Variants in NAALAD2 observed in about 807,000 individuals in gnomAD.
The protein encoded by NAALAD2 is N-acetylated alpha-linked acidic dipeptidase 2, also known as N-acetylated-alpha-linked acidic dipeptidase 2.
A neutral mutation model predicts 95.6 loss-of-function variants in NAALAD2; 89 were observed. The ratio of observed to expected loss-of-function variants is 0.93; its 90% CI spans 0.78 to 1.11. The LOEUF (loss-of-function observed/expected upper bound fraction) is 1.11. Among genes scored for constraint, NAALAD2 ranks in the 50% least tolerant of loss-of-function variants. The probability of loss-of-function intolerance (pLI) is 0.00; values close to 1 mark genes in which losing one functional copy is unlikely to be tolerated. For missense variants in NAALAD2, 894 were observed against 872.4 expected (o/e 1.02, Z -0.31); for synonymous variants, 264 against 294.4 (o/e 0.90, Z 1.06).
intron 6 of NAALAD2, among the ~76,000 whole-genome samples, chr11:90,155,128 A>T (rs1654186739): frequency 7.7e-6 from 1 of 129,438 alleles, no homozygotes. Flanking sequence ...TGTATATATA[A>T]TATACGTATA....
chr11:90,167,188 G>A (rs1209287716), intron 11 of NAALAD2, among the ~76,000 whole-genome samples: 1 of 152,212 alleles, frequency 6.6e-6, no homozygotes, highest in Non-Finnish European at 1.5e-5. Context: ...GGGAGCTGTG[G>A]AGGGAAGGAG....
chr11:90,166,944 G>C (rs1439974586), intron 11 of NAALAD2, among the ~76,000 whole-genome samples: 1 of 152,174 alleles, frequency 6.6e-6, no homozygotes, highest in African/African-American at 2.4e-5. Context: ...GAGGTCAGGA[G>C]TTCGAGAACA....
At chr11:90,169,924 C>T (rs935272520) in intron 12 of NAALAD2, 145 bp from the exon 13 acceptor site, 3 of 615,854 alleles carry the variant, frequency 4.9e-6, no homozygotes, top group African/African-American at 1.9e-5. Flanking sequence ...GAACTATTTC[C>T]ACCCTGTTTT....
chr11:90,173,388 C>T (rs1427793776), intron 13 of NAALAD2, among the ~76,000 whole-genome samples: 1 of 152,160 alleles, frequency 6.6e-6, no homozygotes, highest in Non-Finnish European at 1.5e-5. Context: ...TATGTCACCT[C>T]TATTGTTCTG....
chr11:90,146,149 GA>G (rs1176674637), intron 2 of NAALAD2, among the ~76,000 whole-genome samples: 1 of 151,932 alleles, frequency 6.6e-6, no homozygotes, highest in African/African-American at 2.4e-5. Flanking sequence ...GGGGATGACA[GA>G]AGAAGGATTG....
rs1358346276 is a variant in NAALAD2 at position 90,151,745 on chromosome 11, A to T, written c.610-553A>T. Among the ~76,000 whole-genome samples the T allele has an allele frequency of 2.0e-5, 3 of 152,066 alleles. No individual in the cohort carries two copies. In the East Asian group the frequency reaches 5.8e-4, roughly 29 times the overall value. ...AGTATCTCACAGGGTACATTTTCCT[A>T]TTTTTGGCCAGTTTGGATTGTTAGA... On this transcript the variant is annotated intron_variant, in intron 5 of 18. Transcript: ENST00000534061.
At chr11:90,184,187 G>A (rs1317180528) in intron 18 of NAALAD2, among the ~76,000 whole-genome samples, 1 of 152,016 alleles carries the variant, frequency 6.6e-6, no homozygotes, top group African/African-American at 2.4e-5. Context: ...TGCAAAAAAG[G>A]TTTATATGTT....
Position 90,192,007 on chromosome 11 carries a change from G to A in NAALAD2, c.*260G>A, listed in dbSNP as rs755937524. Reference sequence around the variant, plus strand: ...AAGAAAATTCCCTAAATTATAGCAAGGAACATGAATTCTCAGACATTGTGA... The same window carrying A: ...AAGAAAATTCCCTAAATTATAGCAAAGAACATGAATTCTCAGACATTGTGA... On this transcript the variant is annotated 3_prime_UTR_variant, in exon 19 of 19. Transcript: ENST00000534061. 4.3e-6 allele frequency: 1 copy of A among 231,610 alleles called. No homozygotes were observed. Among genetic ancestry groups the A allele is most frequent in the Non-Finnish European group, 8.3e-6 (1 of 120,794 alleles). 14.3% of individuals were successfully genotyped at this position (231,610 alleles called of 1,614,324 possible). A position where few individuals can be genotyped will look rare whatever the true frequency, so the allele number is the denominator to read the frequency against.
intron 7 of NAALAD2, 76 bp downstream of exon 7, chr11:90,158,314 G>A (rs1185667073): frequency 9.9e-7 from 1 of 1,015,138 alleles, no homozygotes; most frequent in Non-Finnish European, 1.5e-6. Flanking sequence ...AACCAATATG[G>A]CATTCTTATG....
chr11:90,164,006 C>A (rs150680559), intron 11 of NAALAD2: 13 of 332,718 alleles, frequency 3.9e-5, no homozygotes, highest in African/African-American at 2.1e-4. Flanking sequence ...TAGAGTTCTT[C>A]CATCTGAGAA....
intron 2 of NAALAD2, among the ~76,000 whole-genome samples, chr11:90,136,195 T>C (rs1443980372): frequency 7.2e-5 from 11 of 152,108 alleles, no homozygotes; most frequent in Admixed American, 6.6e-4. Context: ...ACAGTGGAAA[T>C]TGGGGGAGTG....
At chr11:90,146,304 AAG>A (rs1951748095) in intron 2 of NAALAD2, among the ~76,000 whole-genome samples, 2 of 149,942 alleles carry the variant, frequency 1.3e-5, no homozygotes, top group Admixed American at 1.3e-4. Context: ...AAAATTAAAA[AAG>A]GGTTTATTTT....
chr11:90,170,192 G>A lies in NAALAD2; in HGVS notation c.1410+56G>A, dbSNP rs1007883001. The A allele has an allele frequency of 3.2e-5, 33 of 1,032,208 alleles. No homozygotes were observed. The East Asian group carries it at 4.8e-4, about 15-fold the overall frequency. 63.9% of individuals were successfully genotyped at this position (1,032,208 alleles called of 1,614,324 possible). A position where few individuals can be genotyped will look rare whatever the true frequency, so the allele number is the denominator to read the frequency against. On this transcript the variant is annotated intron_variant, in intron 13 of 18. Transcript: ENST00000534061. ...TCTTTTGAATGGATAAATGAATAAC[G>A]TGTGTTCCCCCCTAAATTAATGGTA...
intron 2 of NAALAD2, among the ~76,000 whole-genome samples, chr11:90,139,971 A>G (rs1170511581): frequency 6.6e-6 from 1 of 151,930 alleles, no homozygotes; most frequent in Non-Finnish European, 1.5e-5. Context: ...CTTTTCTTAT[A>G]ATGTATCATT....
At chr11:90,161,030 G>T (rs952270328) in intron 8 of NAALAD2, among the ~76,000 whole-genome samples, 18 of 152,138 alleles carry the variant, frequency 1.2e-4, no homozygotes, top group African/African-American at 4.3e-4. Context: ...AAGCAAAGCA[G>T]AAACATAAAA....
Position 90,181,654 on chromosome 11 carries a change from G to A in NAALAD2, c.1893G>A (p.Glu631=). ...TTTCTGCTGTGAAAAACTTCTCAGA[G>A]GCTGCTTCAGATTTTCATAAACGAC... ...SLFSAVKNFS[E]AASDFHKRLI... Residue 631 remains glutamate (E), a synonymous_variant, in exon 17 of 19, where the codon GAG becomes GAA. Coordinates refer to ENST00000534061, the MANE Select transcript of NAALAD2 (RefSeq NM_005467.4). 1 of 1,606,766 alleles carries A rather than the reference G, an allele frequency of 6.2e-7. No homozygotes were observed. Among genetic ancestry groups the A allele is most frequent in the Non-Finnish European group, 8.5e-7 (1 of 1,176,804 alleles).
chr11:90,150,450 G>A (rs1185328379), intron 4 of NAALAD2, 32 bp from the exon 5 acceptor site: 4 of 1,315,542 alleles, frequency 3.0e-6, no homozygotes, highest in Non-Finnish European at 4.2e-6. Context: ...TTTAATTTTA[G>A]CAGTATTATA....
intron 2 of NAALAD2, among the ~76,000 whole-genome samples, chr11:90,139,780 A>G (rs1335147492): frequency 6.6e-6 from 1 of 152,200 alleles, no homozygotes; most frequent in Non-Finnish European, 1.5e-5. Context: ...AATACAAGAA[A>G]AAAAGGTAAT....
intron 18 of NAALAD2, among the ~76,000 whole-genome samples, chr11:90,186,505 A>G (rs568180807): frequency 6.6e-6 from 1 of 152,284 alleles, no homozygotes. Flanking sequence ...ATGTGTCTTT[A>G]TAGCAGCATG....
Sources: allele counts gnomAD v4.1 joint callset (sites outside exome capture counted in the v4.1 genomes callset), GRCh38; gene constraint gnomAD v4.1.1; transcripts MANE v1.5; gene names NCBI Gene and HGNC (gene_info 2026-07-23, HGNC 2026-07-21).